Variants in SZT2 observed in about 807,000 individuals in gnomAD.
SZT2 encodes the protein SZT2 subunit of KICSTOR complex, also known as KICSTOR complex protein SZT2.
SZT2 carries 216 observed loss-of-function variants against 404.2 expected under a neutral mutation model. The ratio of observed to expected loss-of-function variants is 0.53; its 90% CI spans 0.48 to 0.60. The LOEUF (loss-of-function observed/expected upper bound fraction) is 0.60, where lower values mean the gene tolerates loss of function less well. Among genes scored for constraint, SZT2 ranks in the 20% least tolerant of loss-of-function variants. The pLI, the probability that SZT2 is intolerant of heterozygous loss-of-function variation, is 0.00. For synonymous variants in SZT2, 1,693 were observed against 1,749.9 expected (o/e 0.97, Z 0.81); for missense variants, 3,857 against 4,459.2 (o/e 0.86, Z 3.85).
chr1:43,450,721 C>G lies in SZT2; in HGVS notation c.*241C>G, dbSNP rs539339860. ...GGACTCCAGAGAGTCAGGTCAACCC[C>G]GAGGACCCCTTGGGCCCTTCTGGGG... On this transcript the variant is annotated 3_prime_UTR_variant, in exon 72 of 72. Transcript: ENST00000634258. This position sits in a 1 kb window ranked among gnomAD's most constrained non-coding sequence, Gnocchi z 4.3. 2 of 707,474 alleles carry G rather than the reference C, an allele frequency of 2.8e-6. No homozygotes were observed. The highest frequency in any genetic ancestry group is 2.5e-5 in the East Asian group (1 of 39,550). The allele number at this position is 707,474 out of a possible 1,614,324, so 43.8% of individuals were successfully genotyped here.
At position 43,447,923 on chromosome 1, in the gene SZT2, G is replaced by GTGC. The variant is rs747931944; in HGVS notation, c.9519_9521dup (p.Ala3174dup). ...GATGTGTCTCTGCTTGTCTGTCACT[G>GTGC]TGCTGCACCCTTTGAGGAGCAAGGA... On this transcript the variant is annotated inframe_insertion, in exon 68 of 72. Transcript: ENST00000634258. 3.9e-5 allele frequency: 63 copies of GTGC among 1,613,932 alleles called. No homozygotes were observed. Among genetic ancestry groups the GTGC allele is most frequent in the Non-Finnish European group, 5.2e-5 (61 of 1,180,012 alleles).
Position 43,431,362 on chromosome 1 carries a change from G to C in SZT2, c.5014G>C (p.Glu1672Gln). ...CCTCGGGCCCCCACTGCCACCCCCA[G>C]AAGAGGAGAGGTACTTCTTTATCTC... ...DGLGPPLPPP[E>Q]EERHPGLSNL... is the part of the protein sequence containing the mutation. Residue 1672 changes from glutamate (E) to glutamine (Q), a missense_variant, in exon 34 of 72, where the codon GAA (glutamate) becomes CAA (glutamine). Glu to Gln is a conservative substitution (Grantham distance 29). Around this residue, in one of 7 missense-constraint regions of SZT2, gnomAD observed 1,725 missense variants for 1,881.0 expected, o/e 0.92. Coordinates refer to ENST00000634258, the MANE Select transcript of SZT2 (RefSeq NM_001365999.1). The C allele has an allele frequency of 4.3e-6, 7 of 1,612,378 alleles. No homozygotes were observed. The highest frequency in any genetic ancestry group is 5.9e-6 in the Non-Finnish European group (7 of 1,178,598).
chr1:43,396,523 A>G (rs1329380461), intron 1 of SZT2, among the ~76,000 whole-genome samples: 1 of 152,234 alleles, frequency 6.6e-6, no homozygotes, highest in Non-Finnish European at 1.5e-5. Flanking sequence ...AAACAAAGAA[A>G]CAACACTGAA....
chr1:43,430,736 G>A lies in SZT2; in HGVS notation c.4721G>A (p.Arg1574Gln), dbSNP rs532357677. 47 of 1,612,880 alleles carry A rather than the reference G, an allele frequency of 2.9e-5. No individual in the cohort carries two copies. The highest frequency in any genetic ancestry group is 2.2e-4 in the South Asian group (20 of 91,088). Residue 1574 changes from arginine to glutamine, a missense_variant, in exon 32 of 72, where the codon CGG (arginine) becomes CAG (glutamine). Physicochemically the swap from Arg to Gln is conservative, Grantham distance 43. Coordinates refer to ENST00000634258, the MANE Select transcript of SZT2 (RefSeq NM_001365999.1). ...TTCCTGCACCTCACGTGCTCCGTGC[G>A]GCTACGTGGGCAGCACAGCTCAGTA... is the stretch of plus-strand genomic sequence containing the variant. Reference protein sequence around the residue: ...PLFLHLTCSVRLRGQHSSVPV... With the variant: ...PLFLHLTCSVQLRGQHSSVPV...
rs16830763 is a variant in SZT2, at chr1:43,416,450, G to T, written c.773-85G>T. 3 of 1,148,996 alleles carry T rather than the reference G, an allele frequency of 2.6e-6. No individual in the cohort carries two copies. The South Asian group carries it at 3.9e-5, about 15-fold the overall frequency. The allele number at this position is 1,148,996 out of a possible 1,614,324, so 71.2% of individuals were successfully genotyped here. A position where few individuals can be genotyped will look rare whatever the true frequency, so the allele number is the denominator to read the frequency against. On this transcript the variant is annotated intron_variant, in intron 6 of 71. Coordinates refer to ENST00000634258, the MANE Select transcript of SZT2 (RefSeq NM_001365999.1). ...GACATTGGTGGGAAGACACTGAGCC[G>T]TTCAGGACCCTGTCAGTTGGGTGCC...
intron 7 of SZT2, among the ~76,000 whole-genome samples, chr1:43,417,200 T>C (rs1426125317): frequency 6.6e-6 from 1 of 152,218 alleles, no homozygotes; most frequent in East Asian, 1.9e-4. Flanking sequence ...TCACTCTTGC[T>C]GCTGGGTGAA....
rs551576537 is a variant in SZT2, at chr1:43,397,566, T to C, written c.28-5611T>C. On this transcript the variant is annotated intron_variant, in intron 1 of 71. Coordinates refer to ENST00000634258, the MANE Select transcript of SZT2 (RefSeq NM_001365999.1). ...AGAGATGGATGGAGTCTTGCTCTGT[T>C]GCCCAGGCTGGAGTGCAGTGGTGCA... Among the ~76,000 whole-genome samples the C allele has an allele frequency of 3.4e-4, 51 of 151,226 alleles. No individual in the cohort carries two copies. In the East Asian group the frequency reaches 6.9e-3, roughly 21 times the overall value.
intron 1 of SZT2, among the ~76,000 whole-genome samples, chr1:43,399,611 G>A (rs923411707): frequency 8.6e-5 from 13 of 151,278 alleles, no homozygotes; most frequent in South Asian, 2.1e-4. Context: ...ACAGGCACCC[G>A]CCACCACACC....
chr1:43,437,378 G>GT lies in SZT2; in HGVS notation c.6188-25dup. 1 of 1,614,116 alleles carries GT rather than the reference G, an allele frequency of 6.2e-7. No homozygotes were observed. The highest frequency in any genetic ancestry group is 8.5e-7 in the Non-Finnish European group (1 of 1,179,982). ...GCATTGGAAGGATCTGGAAAAGGCA[G>GT]TTTCCTGAGCCCATGTTATTCCCCC... On this transcript the variant is annotated intron_variant, in intron 43 of 71. Coordinates refer to ENST00000634258, the MANE Select transcript of SZT2 (RefSeq NM_001365999.1). This position sits in a 1 kb window ranked among gnomAD's most constrained non-coding sequence, Gnocchi z 5.3.
rs1011674833 is a variant in SZT2 at position 43,453,894 on chromosome 1, C to A, written c.*3414C>A. ...GGCGGGGCTCTCCTTGCTGGCCCTG[C>A]GAACGAACGAGCACTGTTCGTGGTT... is the stretch of plus-strand genomic sequence containing the variant. On this transcript the variant is annotated 3_prime_UTR_variant, in exon 72 of 72. Coordinates refer to ENST00000634258, the MANE Select transcript of SZT2 (RefSeq NM_001365999.1). 12 of 1,222,188 alleles carry A rather than the reference C, an allele frequency of 9.8e-6. No homozygotes were observed. The highest frequency in any genetic ancestry group is 5.1e-6 in the Non-Finnish European group (5 of 983,284). The allele number at this position is 1,222,188 out of a possible 1,614,324, so 75.7% of individuals were successfully genotyped here.
chr1:43,402,684 C>T (rs1423350248), intron 1 of SZT2, among the ~76,000 whole-genome samples: 1 of 152,120 alleles, frequency 6.6e-6, no homozygotes, highest in Non-Finnish European at 1.5e-5. Flanking sequence ...GGGACTGTGA[C>T]CCACAGAGGT....
Position 43,431,385 on chromosome 1 carries a change from C to T in SZT2, c.5024+13C>T. ...CAGAAGAGGAGAGGTACTTCTTTAT[C>T]TCCCTGTCAGAGTTCATTACTGCTT... is the stretch of plus-strand genomic sequence containing the variant. On this transcript the variant is annotated intron_variant, in intron 34 of 71. Transcript: ENST00000634258. 1 of 1,612,216 alleles carries T rather than the reference C, an allele frequency of 6.2e-7. No homozygotes were observed. Among genetic ancestry groups the T allele is most frequent in the East Asian group, 2.2e-5 (1 of 44,842 alleles).
chr1:43,415,004 G>A, intron 4 of SZT2, 78 bp from the exon 5 acceptor site: 1 of 1,525,884 alleles, frequency 6.6e-7, no homozygotes, highest in Admixed American at 1.9e-5. Context: ...TGGAGCTATG[G>A]AGAATAAACA....
Position 43,440,484 on chromosome 1 carries a change from G to A in SZT2, c.7242G>A (p.Lys2414=), listed in dbSNP as rs765741745. The part of the protein sequence containing the change: ...GSLRNGSLET[K]SSAGRASTFP... ...TCAGGAACGGATCGTTGGAAACTAA[G>A]AGCTCTGCAGGCCGAGCTAGCACCT... is the stretch of plus-strand genomic sequence containing the variant. The change falls in exon 52 of 72, where the codon AAG becomes AAA. Residue 2414 remains lysine, a synonymous_variant. Coordinates refer to ENST00000634258, the MANE Select transcript of SZT2 (RefSeq NM_001365999.1). 9.3e-6 allele frequency: 15 copies of A among 1,604,348 alleles called. No individual in the cohort carries two copies. The highest frequency in any genetic ancestry group is 1.2e-5 in the Non-Finnish European group (14 of 1,175,824).
At chr1:43,432,820 G>GA in intron 39 of SZT2, 21 bp downstream of exon 39, 5 of 1,613,170 alleles carry the variant, frequency 3.1e-6, no homozygotes, top group Non-Finnish European at 4.2e-6. Context: ...GGGACGGGGT[G>GA]AAGGACTCTA....
chr1:43,396,415 A>G (rs1173821008), intron 1 of SZT2, among the ~76,000 whole-genome samples: 1 of 152,238 alleles, frequency 6.6e-6, no homozygotes, highest in Non-Finnish European at 1.5e-5. Context: ...TCAAGACAAC[A>G]GATTTTAAGA....
rs1226374159 is a variant in SZT2 at position 43,420,906 on chromosome 1, G to A, written c.1419G>A (p.Val473=). 6.3e-7 allele frequency: 1 copy of A among 1,598,466 alleles called. No individual in the cohort carries two copies. Among genetic ancestry groups the A allele is most frequent in the Non-Finnish European group, 8.5e-7 (1 of 1,179,800 alleles). ...MEGGYDILHD[V]SCALRQPIRS... is the part of the protein sequence containing the mutation. ...GCGGCTACGACATTTTGCATGATGT[G>A]TCCTGTGCACTAAGGCAGCCCATTC... The change falls in exon 10 of 72, where the codon GTG becomes GTA. Residue 473 remains valine, a synonymous_variant. Coordinates refer to ENST00000634258, the MANE Select transcript of SZT2 (RefSeq NM_001365999.1). The surrounding 1 kb of genome is among the most constrained non-coding windows in gnomAD (Gnocchi z 5.1).
chr1:43,445,524 T>G, intron 62 of SZT2: 1 of 309,370 alleles, frequency 3.2e-6, no homozygotes. Context: ...GCTTTGCCCT[T>G]TCAGAGGAAG....
rs1553145985 is a variant in SZT2 at position 43,422,139 on chromosome 1, C to T, written c.1683C>T (p.Tyr561=). ...SDSSHAQFAA[Y]WKPVLSMDAN... is the part of the protein sequence containing the mutation. ...CATCCCATGCCCAGTTTGCTGCCTA[C>T]TGGAAGCCAGTGCTGTCCATGGATG... The change falls in exon 12 of 72, where the codon TAC becomes TAT. Residue 561 remains tyrosine (Y), a synonymous_variant. Transcript: ENST00000634258. 71 of 1,598,014 alleles carry T rather than the reference C, an allele frequency of 4.4e-5. No homozygotes were observed. The highest frequency in any genetic ancestry group is 5.8e-5 in the Non-Finnish European group (69 of 1,179,496).
Sources: gnomAD v4.1 joint callset for allele counts (sites outside exome capture counted in the v4.1 genomes callset) on GRCh38, gnomAD v4.1.1 for gene constraint, gnomAD v4.1.1 regional missense constraint, Gnocchi (gnomAD v3.1) non-coding constraint, MANE v1.5 for transcripts, NCBI Gene and HGNC (gene_info 2026-07-23, HGNC 2026-07-21) for gene names.